GTPBP6: variants seen among roughly 807,000 people sequenced by gnomAD.
The protein encoded by GTPBP6 is GTP binding protein 6, also known as putative GTP-binding protein 6.
A neutral mutation model predicts 28.9 loss-of-function variants in GTPBP6; 33 were observed. The ratio of observed to expected loss-of-function variants is 1.14; its 90% CI spans 0.87 to 1.53. The LOEUF (loss-of-function observed/expected upper bound fraction) is 1.53. Among genes scored for constraint, GTPBP6 ranks in the 40% most tolerant of loss-of-function variants. GTPBP6 has a pLI of 0.00. For synonymous variants in GTPBP6, 231 were observed against 192.7 expected, an observed-to-expected ratio of 1.20 and a Z score of -1.65; for missense variants, 507 against 408.3, an observed-to-expected ratio of 1.24 and a Z score of -2.08.
At chrX:312,852 C>G (rs1602969042) in exon 6 of GTPBP6, 2 of 1,612,898 alleles carry the variant, frequency 1.2e-6, no homozygotes, top group Non-Finnish European at 1.7e-6. Context: ...CTTGCGAAGC[C>G]TGTCCAAGGC....
chrX:304,798 G>A (rs1262452143), exon 10 of GTPBP6: 6 of 1,353,544 alleles, frequency 4.4e-6, no homozygotes, highest in African/African-American at 3.0e-5. Flanking sequence ...GAAACATTCC[G>A]AGGGAAAGCA....
chrX:305,235 C>T (rs1443030508), intron 9 of GTPBP6, 38 bp from the exon 10 acceptor site: 2 of 1,465,494 alleles, frequency 1.4e-6, no homozygotes, highest in Admixed American at 3.4e-5. Flanking sequence ...ACAAGCAGAA[C>T]CCGTAAGTAT....
At chrX:305,238 G>A (rs757877130) in intron 9 of GTPBP6, 41 bp from the exon 10 acceptor site, 15 of 1,417,060 alleles carry the variant, frequency 1.1e-5, no homozygotes, top group South Asian at 3.5e-5. Flanking sequence ...AGCAGAACCC[G>A]TAAGTATTTG....
At chrX:310,300 G>A (rs1354068099) in intron 7 of GTPBP6, among the ~76,000 whole-genome samples, 6 of 140,112 alleles carry the variant, frequency 4.3e-5, no homozygotes, top group Admixed American at 7.4e-5. Context: ...AGACACAGAG[G>A]AGGAGGCCAC....
intron 7 of GTPBP6, among the ~76,000 whole-genome samples, chrX:311,196 T>TCCGAAGGCCCAGCCCCTGGG (rs1556031600): frequency 1.8e-4 from 26 of 146,960 alleles, no homozygotes; most frequent in African/African-American, 6.4e-4. Context: ...TGGGTGGGTG[T>TCCGAAGGCCCAGCCCCTGGG]CTGAGGGCCC....
chrX:314,890 C>T, exon 4 of GTPBP6: 1 of 399,034 alleles, frequency 2.5e-6, no homozygotes, highest in Non-Finnish European at 4.4e-6. Context: ...CCCACGATAC[C>T]TGTGCAGCGG....
intron 9 of GTPBP6, among the ~76,000 whole-genome samples, chrX:307,052 T>G (rs747196558): frequency 1.3e-3 from 197 of 151,714 alleles, no homozygotes; most frequent in African/African-American, 3.8e-3. Flanking sequence ...AATGTATTTT[T>G]ACTGTCAAGC....
chrX:315,332 G>C, intron 2 of GTPBP6, 33 bp from the exon 3 acceptor site: 1 of 398,520 alleles, frequency 2.5e-6, no homozygotes, highest in Non-Finnish European at 4.4e-6. Context: ...TCAGAGGCTG[G>C]CCGTCCACAC....
intron 2 of GTPBP6, 114 bp from the exon 3 acceptor site, chrX:315,413 C>T (rs1314649930): frequency 1.4e-3 from 550 of 398,562 alleles, no homozygotes; most frequent in African/African-American, 9.6e-3. Flanking sequence ...TCACAGGCAT[C>T]CCCGACTTCC....
At chrX:309,118 C>T (rs1422759215) in intron 7 of GTPBP6, among the ~76,000 whole-genome samples, 1 of 152,180 alleles carries the variant, frequency 6.6e-6, no homozygotes, top group Non-Finnish European at 1.5e-5. Context: ...CGCGTCCGTT[C>T]TTTGGGACAT....
intron 4 of GTPBP6, among the ~76,000 whole-genome samples, chrX:314,491 TA>T (rs2070388282): frequency 2.0e-5 from 3 of 149,868 alleles, no homozygotes; most frequent in Admixed American, 6.6e-5. Context: ...TTTTTTTTTT[TA>T]GACGGAGTCT....
At chrX:305,188 A>G in exon 10 of GTPBP6, 1 of 1,613,368 alleles carries the variant, frequency 6.2e-7, no homozygotes, top group South Asian at 1.1e-5. Context: ...TGGCCTCCTT[A>G]TACAGCCAGC....
chrX:318,152 A>G (rs1297036487), intron 1 of GTPBP6, among the ~76,000 whole-genome samples: 1 of 143,592 alleles, frequency 7.0e-6, no homozygotes, highest in African/African-American at 2.6e-5. Flanking sequence ...CCGTCCCTGA[A>G]TCTCTACCTA....
chrX:311,274 C>T (rs2070285271), intron 7 of GTPBP6, 145 bp downstream of exon 7: 2 of 414,416 alleles, frequency 4.8e-6, no homozygotes, highest in East Asian at 1.0e-4. Context: ...GGGCCTGGCC[C>T]CTGGGCTGAG....
intron 8 of GTPBP6, 106 bp downstream of exon 8, chrX:307,626 C>T (rs2070199661): frequency 2.1e-6 from 3 of 1,430,558 alleles, no homozygotes; most frequent in Non-Finnish European, 2.8e-6. Flanking sequence ...TCCCTGTGTC[C>T]TGACTGCCAC....
exon 1 of GTPBP6, chrX:318,448 T>C (rs1327051707): frequency 5.2e-6 from 2 of 380,964 alleles, no homozygotes; most frequent in African/African-American, 4.2e-5. Flanking sequence ...CCTCGAGTCA[T>C]CTGCGACTTC....
intron 3 of GTPBP6, 85 bp downstream of exon 3, chrX:315,144 C>A (rs1188660490): frequency 1.3e-5 from 5 of 395,842 alleles, no homozygotes; most frequent in Non-Finnish European, 2.2e-5. Flanking sequence ...CCCCATCTGT[C>A]CCCCGCCTGG....
At chrX:318,787 T>C in exon 1 of GTPBP6, 1 of 303,292 alleles carries the variant, frequency 3.3e-6, no homozygotes, top group Admixed American at 5.1e-5. Flanking sequence ...AGGGCCCACA[T>C]GGCGCGTCTG....
intron 2 of GTPBP6, among the ~76,000 whole-genome samples, 178 bp from the exon 3 acceptor site, chrX:315,477 G>C (rs1359822115): frequency 6.6e-6 from 1 of 150,968 alleles, no homozygotes; most frequent in East Asian, 1.9e-4. Context: ...TGTGTCTCTA[G>C]GAGTGTGTGT....
Sources: gnomAD v4.1 joint callset for allele counts (sites outside exome capture counted in the v4.1 genomes callset) on GRCh38, gnomAD v4.1.1 for gene constraint, MANE v1.5 for transcripts, NCBI Gene and HGNC (gene_info 2026-07-23, HGNC 2026-07-21) for gene names.